TNR: variants seen among roughly 807,000 people sequenced by gnomAD.
TNR encodes the protein tenascin R, also known as tenascin-R.
In TNR, 45 loss-of-function variants were observed where a neutral mutation model predicts 150.4. The ratio of observed to expected loss-of-function variants is 0.30; its 90% confidence interval spans 0.24 to 0.38. The LOEUF (loss-of-function observed/expected upper bound fraction) is 0.38, where lower values mean the gene tolerates loss of function less well. Among genes scored for constraint, TNR ranks in the 10% least tolerant of loss-of-function variants. The probability of loss-of-function intolerance (pLI) is 1.00; values close to 1 mark genes in which losing one functional copy is unlikely to be tolerated. For synonymous variants in TNR, 687 were observed against 678.4 expected, an observed-to-expected ratio of 1.01 and a Z score of -0.20; for missense variants, 1,544 against 1,759.1, an observed-to-expected ratio of 0.88 and a Z score of 2.19.
intron 2 of TNR, among the ~76,000 whole-genome samples, chr1:175,507,578 C>A (rs549678070): frequency 4.6e-5 from 7 of 151,888 alleles, no homozygotes; most frequent in Admixed American, 1.3e-4. Flanking sequence ...TGACACATAC[C>A]CCATACTTCA....
intron 1 of TNR, among the ~76,000 whole-genome samples, chr1:175,650,739 C>A (rs368615628): frequency 3.9e-5 from 1 of 25,514 alleles, no homozygotes; most frequent in African/African-American, 1.4e-4. Flanking sequence ...CGCCTCATTA[C>A]TACCCCTCTC....
At chr1:175,453,937 A>C (rs1482801904) in intron 2 of TNR, among the ~76,000 whole-genome samples, 1 of 152,136 alleles carries the variant, frequency 6.6e-6, no homozygotes, top group Non-Finnish European at 1.5e-5. Flanking sequence ...CTTTATGAAA[A>C]GGTCAGCCAG....
At chr1:175,351,792 C>G (rs932323913) in intron 18 of TNR, among the ~76,000 whole-genome samples, 6 of 152,194 alleles carry the variant, frequency 3.9e-5, no homozygotes, top group Non-Finnish European at 8.8e-5. Context: ...ACAGACATAT[C>G]TTTGCCATGT....
intron 2 of TNR, among the ~76,000 whole-genome samples, chr1:175,484,663 G>T (rs952893786): frequency 2.0e-5 from 3 of 152,012 alleles, no homozygotes; most frequent in Non-Finnish European, 4.4e-5. Context: ...CTGGCGTTTG[G>T]TTCTAACTGA....
At chr1:175,476,469 G>T (rs757570431) in intron 2 of TNR, among the ~76,000 whole-genome samples, 29 of 152,206 alleles carry the variant, frequency 1.9e-4, no homozygotes, top group Non-Finnish European at 3.1e-4. Context: ...TCTCATTGAG[G>T]TACTACTTTG....
chr1:175,411,826 G>A (rs1049962922), intron 2 of TNR, among the ~76,000 whole-genome samples: 8 of 152,042 alleles, frequency 5.3e-5, no homozygotes, highest in African/African-American at 1.7e-4. Flanking sequence ...ACTTCAACAC[G>A]TCTTCTTTGG....
At chr1:175,427,686 C>CTTCCTTCCTTCT (rs1648732600) in intron 2 of TNR, among the ~76,000 whole-genome samples, 1 of 142,294 alleles carries the variant, frequency 7.0e-6, no homozygotes, top group Non-Finnish European at 1.5e-5. Context: ...TCCTTCCTTC[C>CTTCCTTCCTTCT]TTCCTTCCTT....
At chr1:175,499,121 G>C (rs914812555) in intron 2 of TNR, among the ~76,000 whole-genome samples, 1 of 152,046 alleles carries the variant, frequency 6.6e-6, no homozygotes, top group Non-Finnish European at 1.5e-5. Context: ...CCAATCACGA[G>C]TTTAGTTTCT....
intron 2 of TNR, among the ~76,000 whole-genome samples, chr1:175,483,490 T>C (rs1226411711): frequency 1.3e-5 from 2 of 152,148 alleles, no homozygotes; most frequent in Non-Finnish European, 2.9e-5. Context: ...AGCACTTCAG[T>C]ATGGCTGGAA....
rs1048713588 is a variant in TNR at position 175,604,192 on chromosome 1, C to T, written c.-164-75823G>A. 3.3e-5 allele frequency among the ~76,000 whole-genome samples: 5 copies of T among 152,108 alleles called. No individual in the cohort carries two copies. The East Asian group carries it at 7.8e-4, about 24-fold the overall frequency. ...AGAGGAGGAGATGGGCCAAGGCAGG[C>T]CCACGCTGCTAGCCAGCTACATTAA... is the stretch of plus-strand genomic sequence containing the variant. On this transcript the variant is annotated intron_variant, in intron 1 of 22. Transcript: ENST00000367674.
intron 1 of TNR, among the ~76,000 whole-genome samples, chr1:175,571,668 A>C (rs749407916): frequency 6.6e-6 from 1 of 152,036 alleles, no homozygotes; most frequent in African/African-American, 2.4e-5. Context: ...TTTTCACTCC[A>C]TGTCCTTCTC....
At chr1:175,552,004 T>C (rs1660961467) in intron 1 of TNR, among the ~76,000 whole-genome samples, 1 of 152,166 alleles carries the variant, frequency 6.6e-6, no homozygotes, top group South Asian at 2.1e-4. Context: ...AATAGCCTTA[T>C]AAATATCTTA....
At chr1:175,619,295 C>G (rs1415213287) in intron 1 of TNR, among the ~76,000 whole-genome samples, 1 of 152,178 alleles carries the variant, frequency 6.6e-6, no homozygotes, top group Non-Finnish European at 1.5e-5. Flanking sequence ...AAAGGAACAT[C>G]TAGTATTTAT....
intron 20 of TNR, among the ~76,000 whole-genome samples, chr1:175,332,797 G>A (rs914300118): frequency 1.3e-5 from 2 of 152,050 alleles, no homozygotes; most frequent in Non-Finnish European, 2.9e-5. Flanking sequence ...CAGGAAGCTG[G>A]TCTCTTCCTT....
intron 1 of TNR, among the ~76,000 whole-genome samples, chr1:175,603,073 G>A (rs1252129885): frequency 2.0e-5 from 3 of 152,176 alleles, no homozygotes; most frequent in Non-Finnish European, 2.9e-5. Context: ...AGAAATAACC[G>A]AGTAATAGAA....
chr1:175,403,616 C>A lies in TNR; in HGVS notation c.500G>T (p.Gly167Val). The A allele has an allele frequency of 6.2e-7, 1 of 1,608,366 alleles. No homozygotes were observed. ...ANCCQESAATGQLDYIPHCSG... is the reference protein window; with the variant it reads ...ANCCQESAATVQLDYIPHCSG... The stretch of plus-strand genomic sequence containing the variant: ...GCAGTGAGGGATATAGTCCAGTTGT[C>A]CTGGAATGGTCAAGGAGAAGGTCAA... The change falls in exon 4 of 23, where the codon GGA (glycine) becomes GTA (valine). Residue 167 changes from glycine to valine, a missense_variant and splice_region_variant. Physicochemically the swap from Gly to Val is moderately radical, Grantham distance 109. This residue lies in a region of TNR where 1,254 missense variants were observed against 1,329.4 expected (regional missense o/e 0.94). Coordinates refer to ENST00000367674, the MANE Select transcript of TNR (RefSeq NM_003285.3).
intron 1 of TNR, among the ~76,000 whole-genome samples, chr1:175,596,085 C>T (rs1214545287): frequency 6.6e-6 from 1 of 152,080 alleles, no homozygotes; most frequent in Non-Finnish European, 1.5e-5. Flanking sequence ...AATTCACACT[C>T]GTTTAGGGCA....
chr1:175,698,763 A>G (rs1666603205), intron 1 of TNR, among the ~76,000 whole-genome samples: 1 of 151,878 alleles, frequency 6.6e-6, no homozygotes, highest in South Asian at 2.1e-4. Flanking sequence ...TGGACCTGGG[A>G]GTTGGAGGTT....
chr1:175,477,924 C>T (rs1657619541), intron 2 of TNR, among the ~76,000 whole-genome samples: 1 of 152,166 alleles, frequency 6.6e-6, no homozygotes, highest in African/African-American at 2.4e-5. Flanking sequence ...TAGTGTGGAT[C>T]TTTGCAAAGT....
Sources: gnomAD v4.1 joint callset for allele counts (sites outside exome capture counted in the v4.1 genomes callset) on GRCh38, gnomAD v4.1.1 for gene constraint, gnomAD v4.1.1 regional missense constraint, MANE v1.5 for transcripts, NCBI Gene and HGNC (gene_info 2026-07-23, HGNC 2026-07-21) for gene names.